ZEB1: variants seen among roughly 807,000 people sequenced by gnomAD.
ZEB1 encodes zinc finger E-box-binding homeobox 1.
In ZEB1, 21 loss-of-function variants were observed where a neutral mutation model predicts 84.9. The observed-to-expected ratio is 0.25, with a 90% CI of 0.18 to 0.36. The LOEUF (loss-of-function observed/expected upper bound fraction) is 0.36. ZEB1 is among the 10% of genes least tolerant of loss of function. ZEB1 has a pLI of 1.00. For synonymous variants in ZEB1, 420 were observed against 471.1 expected, an observed-to-expected ratio of 0.89 and a Z score of 1.41; for missense variants, 1,104 against 1,330.2, an observed-to-expected ratio of 0.83 and a Z score of 2.65.
At chr10:31,371,347 G>C (rs771941496) in intron 1 of ZEB1, among the ~76,000 whole-genome samples, 1 of 152,136 alleles carries the variant, frequency 6.6e-6, no homozygotes, top group Non-Finnish European at 1.5e-5. Context: ...TGTTGGAGGA[G>C]ATATCTCTGT....
chr10:31,519,635 G>A (rs958674638), intron 6 of ZEB1, among the ~76,000 whole-genome samples: 1 of 152,096 alleles, frequency 6.6e-6, no homozygotes, highest in Non-Finnish European at 1.5e-5. Flanking sequence ...TTTCAAGAAA[G>A]CCCTATGGGT....
chr10:31,475,736 A>G (rs888241562), intron 2 of ZEB1, among the ~76,000 whole-genome samples: 10 of 152,118 alleles, frequency 6.6e-5, no homozygotes, highest in African/African-American at 2.4e-4. Flanking sequence ...ATAAGCACAC[A>G]TAGAGAGAAT....
chr10:31,462,613 A>T (rs941019587), intron 2 of ZEB1, among the ~76,000 whole-genome samples: 1 of 152,192 alleles, frequency 6.6e-6, no homozygotes, highest in African/African-American at 2.4e-5. Context: ...GGCAACATAC[A>T]TGAAGCCACA....
chr10:31,527,383 A>C lies in ZEB1; in HGVS notation c.*119A>C. Reference sequence around the variant, plus strand: ...GTGATTCCTGTTCACTACTGTGTAAAGTAAAAACTAAAAAAATACAAAATA... The same window carrying C: ...GTGATTCCTGTTCACTACTGTGTAACGTAAAAACTAAAAAAATACAAAATA... On this transcript the variant is annotated 3_prime_UTR_variant, in exon 9 of 9. Coordinates refer to ENST00000424869, the MANE Select transcript of ZEB1 (RefSeq NM_001174096.2). The C allele has an allele frequency of 7.7e-7, 1 of 1,296,708 alleles. No individual in the cohort carries two copies. The highest frequency in any genetic ancestry group is 1.1e-6 in the Non-Finnish European group (1 of 947,472). The allele number at this position is 1,296,708 out of a possible 1,614,324, so 80.3% of individuals were successfully genotyped here. A position where few individuals can be genotyped will look rare whatever the true frequency, so the allele number is the denominator to read the frequency against.
At chr10:31,385,586 G>A (rs2048479183) in intron 1 of ZEB1, among the ~76,000 whole-genome samples, 1 of 151,026 alleles carries the variant, frequency 6.6e-6, no homozygotes, top group South Asian at 2.1e-4. Flanking sequence ...GAGTGCAGTG[G>A]CACAGTCTCA....
chr10:31,327,099 CT>C (rs71527629), intron 1 of ZEB1, among the ~76,000 whole-genome samples: 3,453 of 85,050 alleles, frequency 0.041, 53 homozygotes, highest in African/African-American at 0.14. Flanking sequence ...CTTTTCTTTT[CT>C]TTTTTTTTTT....
At chr10:31,349,826 A>G (rs1298812892) in intron 1 of ZEB1, among the ~76,000 whole-genome samples, 1 of 151,972 alleles carries the variant, frequency 6.6e-6, no homozygotes, top group Non-Finnish European at 1.5e-5. Context: ...ATGTCTTATC[A>G]GTTGTATGGT....
chr10:31,321,553 C>A (rs775729830), intron 1 of ZEB1: 1 of 1,614,008 alleles, frequency 6.2e-7, no homozygotes, highest in Non-Finnish European at 8.5e-7. Context: ...TCGGAAAGAG[C>A]TGTTCGCTTT....
chr10:31,441,129 A>C (rs548822643), intron 1 of ZEB1, among the ~76,000 whole-genome samples: 1 of 152,334 alleles, frequency 6.6e-6, no homozygotes, highest in East Asian at 1.9e-4. Context: ...ACAAAGCTGG[A>C]GGCATCACAC....
intron 1 of ZEB1, among the ~76,000 whole-genome samples, chr10:31,371,475 G>T (rs1590450435): frequency 6.6e-6 from 1 of 152,076 alleles, no homozygotes; most frequent in East Asian, 1.9e-4. Context: ...GGTTTCATTA[G>T]GCTAAATAAG....
chr10:31,461,500 T>C (rs1480034169), intron 2 of ZEB1, among the ~76,000 whole-genome samples: 1 of 152,150 alleles, frequency 6.6e-6, no homozygotes, highest in Non-Finnish European at 1.5e-5. Context: ...ATTGTTGATA[T>C]AATTGAACCT....
chr10:31,325,572 T>TC, intron 1 of ZEB1, among the ~76,000 whole-genome samples: 1 of 152,160 alleles, frequency 6.6e-6, no homozygotes, highest in East Asian at 1.9e-4. Context: ...GGGAAAACCT[T>TC]CATCTCTTTT....
intron 1 of ZEB1, chr10:31,387,645 C>T (rs2048863677): frequency 1.6e-6 from 1 of 623,168 alleles, no homozygotes; most frequent in Non-Finnish European, 2.0e-6. Context: ...GACATAATAG[C>T]TTCAGTTGAT....
intron 1 of ZEB1, among the ~76,000 whole-genome samples, chr10:31,328,501 T>A (rs2036074796): frequency 6.6e-6 from 1 of 152,178 alleles, no homozygotes; most frequent in African/African-American, 2.4e-5. Context: ...TTTTATCCTT[T>A]TGACCAGTAT....
intron 1 of ZEB1, among the ~76,000 whole-genome samples, chr10:31,390,789 A>G (rs141074134): frequency 6.6e-6 from 1 of 152,282 alleles, no homozygotes; most frequent in Non-Finnish European, 1.5e-5. Flanking sequence ...TCTGGTGTTG[A>G]CCATTGGATC....
intron 1 of ZEB1, among the ~76,000 whole-genome samples, chr10:31,422,271 T>G (rs2056296559): frequency 6.6e-6 from 1 of 152,166 alleles, no homozygotes; most frequent in Non-Finnish European, 1.5e-5. Context: ...TTATAGTTCT[T>G]CACATTTGAG....
intron 1 of ZEB1, among the ~76,000 whole-genome samples, chr10:31,428,721 T>G (rs968051372): frequency 6.6e-6 from 1 of 152,238 alleles, no homozygotes; most frequent in African/African-American, 2.4e-5. Flanking sequence ...AGAAGTTACT[T>G]TATGAATCTG....
intron 1 of ZEB1, among the ~76,000 whole-genome samples, chr10:31,440,880 C>G (rs1018462276): frequency 6.6e-6 from 1 of 152,256 alleles, no homozygotes; most frequent in Non-Finnish European, 1.5e-5. Flanking sequence ...AGGAGAACTA[C>G]AAACCACTGG....
At chr10:31,350,840 A>T (rs1041737833) in intron 1 of ZEB1, among the ~76,000 whole-genome samples, 8 of 152,180 alleles carry the variant, frequency 5.3e-5, no homozygotes, top group Admixed American at 2.6e-4. Flanking sequence ...AAACATTTTC[A>T]AGTGGAAAAA....
Sources: allele counts gnomAD v4.1 joint callset (sites outside exome capture counted in the v4.1 genomes callset), GRCh38; gene constraint gnomAD v4.1.1; transcripts MANE v1.5; gene names NCBI Gene and HGNC (gene_info 2026-07-23, HGNC 2026-07-21).